Variants in EIF4G3 observed in about 807,000 individuals in gnomAD.
EIF4G3 encodes eukaryotic translation initiation factor 4 gamma 3, also known as eIF-4-gamma 3.
In EIF4G3, 34 loss-of-function variants were observed where a neutral mutation model predicts 186.4. The ratio of observed to expected loss-of-function variants is 0.18; its 90% CI spans 0.14 to 0.24. EIF4G3 has a LOEUF of 0.24. Among genes scored for constraint, EIF4G3 ranks in the 10% least tolerant of loss-of-function variants. The probability of loss-of-function intolerance (pLI) is 1.00; values close to 1 mark genes in which losing one functional copy is unlikely to be tolerated. For missense variants in EIF4G3, 1,536 were observed against 1,948.5 expected (o/e 0.79, Z 3.99); for synonymous variants, 673 against 679.5 (o/e 0.99, Z 0.15).
chr1:21,173,427 C>A (rs1233148987), intron 2 of EIF4G3, among the ~76,000 whole-genome samples: 1 of 152,176 alleles, frequency 6.6e-6, no homozygotes, highest in African/African-American at 2.4e-5. Flanking sequence ...GGCTCAATGC[C>A]TGTAATCCCA....
At chr1:20,904,601 A>G (rs1385746745) in intron 15 of EIF4G3, among the ~76,000 whole-genome samples, 6 of 152,226 alleles carry the variant, frequency 3.9e-5, no homozygotes, top group African/African-American at 1.4e-4. Context: ...TCCTGCCTTC[A>G]CCTCACAAAG....
At chr1:21,002,648 C>T in intron 5 of EIF4G3, 65 bp downstream of exon 5, 1 of 1,519,988 alleles carries the variant, frequency 6.6e-7, no homozygotes, top group Non-Finnish European at 8.9e-7. Flanking sequence ...CCAAAGAAAC[C>T]CAAGCCACTA....
intron 24 of EIF4G3, among the ~76,000 whole-genome samples, chr1:20,859,218 A>G (rs936313314): frequency 6.6e-6 from 1 of 152,096 alleles, no homozygotes; most frequent in Non-Finnish European, 1.5e-5. Flanking sequence ...TCCTTTAGTC[A>G]TATGTGAATA....
chr1:20,970,817 A>G (rs960444912), intron 11 of EIF4G3, among the ~76,000 whole-genome samples: 6 of 151,934 alleles, frequency 3.9e-5, no homozygotes, highest in African/African-American at 1.5e-4. Flanking sequence ...TACAAAAATT[A>G]GCTGGGTGCG....
At chr1:20,896,163 A>T (rs779130928) in intron 16 of EIF4G3, among the ~76,000 whole-genome samples, 12 of 152,226 alleles carry the variant, frequency 7.9e-5, no homozygotes, top group Non-Finnish European at 1.6e-4. Context: ...GAATAAGGAT[A>T]TAAAGAAACA....
At chr1:20,879,959 A>G (rs551831663) in intron 19 of EIF4G3, among the ~76,000 whole-genome samples, 9 of 152,088 alleles carry the variant, frequency 5.9e-5, no homozygotes, top group Non-Finnish European at 1.3e-4. Context: ...AAATTATGGT[A>G]TAATATAAAT....
intron 14 of EIF4G3, among the ~76,000 whole-genome samples, chr1:20,916,155 A>C (rs1211265040): frequency 1.3e-5 from 2 of 152,102 alleles, no homozygotes; most frequent in Non-Finnish European, 1.5e-5. Flanking sequence ...TACACTAGAA[A>C]CTCCAAACCA....
intron 2 of EIF4G3, among the ~76,000 whole-genome samples, chr1:21,094,124 T>TA (rs2096285219): frequency 2.0e-5 from 3 of 150,894 alleles, no homozygotes; most frequent in African/African-American, 4.9e-5. Flanking sequence ...TTTTTTTTTT[T>TA]AAAAAAAGCC....
At chr1:20,879,924 G>C (rs1251720973) in intron 19 of EIF4G3, among the ~76,000 whole-genome samples, 1 of 151,454 alleles carries the variant, frequency 6.6e-6, no homozygotes, top group Non-Finnish European at 1.5e-5. Context: ...AAATAACTTT[G>C]ATGTAAAAAA....
intron 8 of EIF4G3, among the ~76,000 whole-genome samples, chr1:20,981,487 T>C (rs887200762): frequency 7.2e-6 from 1 of 138,518 alleles, no homozygotes; most frequent in Admixed American, 7.2e-5. Flanking sequence ...TATATATGCA[T>C]ACATACATGT....
chr1:20,813,380 TAGTAAGACC>T, intron 34 of EIF4G3, 141 bp from the exon 35 acceptor site: 2 of 336,246 alleles, frequency 5.9e-6, no homozygotes, highest in South Asian at 1.1e-4. Flanking sequence ...CTGGGCAATA[TAGTAAGACC>T]CTATCTCTTA....
chr1:20,813,535 C>A (rs1035231840), intron 34 of EIF4G3, among the ~76,000 whole-genome samples: 1 of 151,410 alleles, frequency 6.6e-6, no homozygotes, highest in Admixed American at 6.6e-5. Flanking sequence ...CACCACTGCA[C>A]TCCAGCATGG....
rs749875234 is a variant in EIF4G3, at chr1:20,853,685, T to A, written c.3434-8A>T. The A allele has an allele frequency of 6.3e-7, 1 of 1,597,092 alleles. No homozygotes were observed. The highest frequency in any genetic ancestry group is 8.6e-7 in the Non-Finnish European group (1 of 1,165,096). ...CACTTGACCGTAAGGCATCTACACA[T>A]GTCGAGGATTTAGAAAAAAATACAA... is the stretch of plus-strand genomic sequence containing the variant. On this transcript the variant is annotated splice_region_variant and splice_polypyrimidine_tract_variant and intron_variant, in intron 26 of 36. Coordinates refer to ENST00000602326, the MANE Select transcript of EIF4G3 (RefSeq NM_001391906.1).
In EIF4G3 at chr1:20,851,392, C is replaced by A; in HGVS notation, c.3638G>T (p.Ser1213Ile). 2 of 1,614,172 alleles carry A rather than the reference C, an allele frequency of 1.2e-6. No individual in the cohort carries two copies. The highest frequency in any genetic ancestry group is 2.2e-5 in the East Asian group (1 of 44,868). Reference protein sequence around the residue: ...RPNTFMRGGSSKDLLDNQSQE... With the variant: ...RPNTFMRGGSIKDLLDNQSQE... ...AGACTGATTGTCTAGCAGGTCTTTA[C>A]TGCTGCCACCCCTCATGAAAGTATT... The change falls in exon 28 of 37, where the codon AGT becomes ATT. Residue 1213 changes from serine to isoleucine, a missense_variant. Ser to Ile is a moderately radical substitution (Grantham distance 142). Transcript: ENST00000602326.
At chr1:20,845,708 T>C (rs927986066) in intron 29 of EIF4G3, among the ~76,000 whole-genome samples, 4 of 151,740 alleles carry the variant, frequency 2.6e-5, no homozygotes, top group Admixed American at 1.3e-4. Flanking sequence ...AAAAAATACA[T>C]ATATATAGTT....
chr1:21,119,232 C>T (rs1015045761), intron 2 of EIF4G3, among the ~76,000 whole-genome samples: 2 of 151,516 alleles, frequency 1.3e-5, no homozygotes, highest in Non-Finnish European at 2.9e-5. Flanking sequence ...ATCTTTTGAG[C>T]TGAAATGGGT....
chr1:21,138,348 C>A (rs1250005197), intron 2 of EIF4G3, among the ~76,000 whole-genome samples: 1 of 152,100 alleles, frequency 6.6e-6, no homozygotes, highest in African/African-American at 2.4e-5. Context: ...CACAATGACC[C>A]AAGTCCCTCA....
chr1:21,108,902 C>CAAA (rs767728797), intron 2 of EIF4G3, among the ~76,000 whole-genome samples: 1,228 of 32,986 alleles, frequency 0.037, 31 homozygotes, highest in East Asian at 0.094. Context: ...GACTCCATCT[C>CAAA]AAAAAAAAAA....
intron 2 of EIF4G3, among the ~76,000 whole-genome samples, chr1:21,140,942 A>G (rs139937581): frequency 6.6e-6 from 1 of 152,352 alleles, no homozygotes; most frequent in African/African-American, 2.4e-5. Flanking sequence ...AGTTTTCTGC[A>G]CATCAATTTG....
Sources: gnomAD v4.1 joint callset for allele counts (sites outside exome capture counted in the v4.1 genomes callset) on GRCh38, gnomAD v4.1.1 for gene constraint, MANE v1.5 for transcripts, NCBI Gene and HGNC (gene_info 2026-07-23, HGNC 2026-07-21) for gene names.